The following TRIM71 variants were observed in gnomAD, a reference collection of about 807,000 sequenced individuals.
TRIM71 encodes E3 ubiquitin-protein ligase TRIM71.
TRIM71 carries 9 observed loss-of-function variants against 61.2 expected under a neutral mutation model. The observed-to-expected ratio is 0.15, with a 90% confidence interval of 0.09 to 0.26. The LOEUF (loss-of-function observed/expected upper bound fraction) is 0.26. Among genes scored for constraint, TRIM71 ranks in the 10% least tolerant of loss-of-function variants. The pLI is 1.00. For missense variants in TRIM71, 998 were observed against 1,238.7 expected (o/e 0.81, Z 2.92); for synonymous variants, 645 against 553.2 (o/e 1.17, Z -2.33).
intron 1 of TRIM71, among the ~76,000 whole-genome samples, chr3:32,853,404 A>G (rs1696561507): frequency 6.6e-6 from 1 of 152,132 alleles, no homozygotes; most frequent in African/African-American, 2.4e-5. Flanking sequence ...GGCATGAGCC[A>G]CCACACCCGG....
chr3:32,825,713 A>G (rs1038801843), intron 1 of TRIM71, among the ~76,000 whole-genome samples: 7 of 152,172 alleles, frequency 4.6e-5, no homozygotes, highest in African/African-American at 1.7e-4. Context: ...AGATAATGAT[A>G]AAGAATTACA....
At chr3:32,870,435 G>A (rs1472856570) in intron 1 of TRIM71, among the ~76,000 whole-genome samples, 1 of 152,034 alleles carries the variant, frequency 6.6e-6, no homozygotes, top group African/African-American at 2.4e-5. Context: ...TGAAACCACA[G>A]TGTGTTCTGG....
chr3:32,818,820 CCGCAGCAGCGG>C lies in TRIM71; in HGVS notation c.750_760del (p.Ala251ArgfsTer37), dbSNP rs1696094635. The C allele has an allele frequency of 6.2e-7, 1 of 1,610,516 alleles. No homozygotes were observed. The stretch of plus-strand genomic sequence containing the variant: ...GAGCGCGGCCCGCCGGGTCCCGGTG[CCGCAGCAGCGG>C]CGCAGCAGCTCGGGCTCGGGCCGCC... On this transcript the variant is annotated frameshift_variant, in exon 1 of 4. Coordinates refer to ENST00000383763, the MANE Select transcript of TRIM71 (RefSeq NM_001039111.3). LOFTEE classifies it high-confidence loss of function.
At chr3:32,859,887 T>G (rs1187320482) in intron 1 of TRIM71, among the ~76,000 whole-genome samples, 1 of 152,116 alleles carries the variant, frequency 6.6e-6, no homozygotes, top group African/African-American at 2.4e-5. Context: ...TGAATTGATC[T>G]TTTTGCGGTG....
intron 3 of TRIM71, among the ~76,000 whole-genome samples, 169 bp downstream of exon 3, chr3:32,886,237 T>C (rs1328168212): frequency 1.3e-5 from 2 of 152,176 alleles, no homozygotes; most frequent in African/African-American, 4.8e-5. Context: ...CCCTGGAACA[T>C]TGTGGGTGCT....
chr3:32,837,594 C>T (rs562585659), intron 1 of TRIM71, among the ~76,000 whole-genome samples: 3 of 152,134 alleles, frequency 2.0e-5, no homozygotes, highest in South Asian at 2.1e-4. Context: ...CCAAGGTGGA[C>T]GAATCACGAG....
intron 1 of TRIM71, among the ~76,000 whole-genome samples, chr3:32,826,171 C>A (rs924123559): frequency 6.6e-6 from 1 of 152,188 alleles, no homozygotes; most frequent in Non-Finnish European, 1.5e-5. Context: ...ACTCAACTCC[C>A]ATCCAGGCAG....
intron 1 of TRIM71, among the ~76,000 whole-genome samples, chr3:32,872,580 A>G (rs1384790542): frequency 6.6e-6 from 1 of 152,144 alleles, no homozygotes; most frequent in African/African-American, 2.4e-5. Context: ...CTTGCTTCTC[A>G]CCAGAATGAG....
At chr3:32,833,183 TTAAAAAAAAAAA>T (rs1696293550) in intron 1 of TRIM71, among the ~76,000 whole-genome samples, 1 of 39,100 alleles carries the variant, frequency 2.6e-5, no homozygotes, top group Non-Finnish European at 6.4e-5. Context: ...AACTCTGTCT[TTAAAAAAAAAAA>T]AAAAAAAAAA....
intron 1 of TRIM71, among the ~76,000 whole-genome samples, chr3:32,824,374 GT>G (rs1362810208): frequency 4.1e-5 from 6 of 147,580 alleles, no homozygotes; most frequent in Non-Finnish European, 8.9e-5. Flanking sequence ...TTTTTTTTAA[GT>G]AGAGACGGGG....
chr3:32,848,972 T>G (rs368709911), intron 1 of TRIM71, among the ~76,000 whole-genome samples: 2 of 152,214 alleles, frequency 1.3e-5, no homozygotes, highest in African/African-American at 4.8e-5. Flanking sequence ...GGTCTAGGGT[T>G]GGAGAGAGGT....
intron 1 of TRIM71, among the ~76,000 whole-genome samples, chr3:32,855,833 A>G: frequency 6.6e-6 from 1 of 152,046 alleles, no homozygotes; most frequent in South Asian, 2.1e-4. Context: ...ACTGTTTATA[A>G]AACAACCCAC....
rs1697033089 is a variant in TRIM71, at chr3:32,892,072, A to C, written c.*261A>C. Reference sequence around the variant, plus strand: ...AAGTGATAATTTCTATCTACCTCATAAATCTTTACATTTCCTTCTGCAACA... The same window carrying C: ...AAGTGATAATTTCTATCTACCTCATCAATCTTTACATTTCCTTCTGCAACA... On this transcript the variant is annotated 3_prime_UTR_variant, in exon 4 of 4. Transcript: ENST00000383763. The C allele has an allele frequency of 2.4e-6, 1 of 413,206 alleles. No individual in the cohort carries two copies. The highest frequency in any genetic ancestry group is 4.4e-5 in the Admixed American group (1 of 22,492). The allele number at this position is 413,206 out of a possible 1,614,324, so 25.6% of individuals were successfully genotyped here.
intron 1 of TRIM71, among the ~76,000 whole-genome samples, chr3:32,861,691 T>C (rs935869718): frequency 2.6e-5 from 4 of 152,188 alleles, no homozygotes; most frequent in African/African-American, 9.6e-5. Flanking sequence ...CAAGAAAGGC[T>C]CTTGTAATTG....
chr3:32,837,408 CA>C (rs533209758), intron 1 of TRIM71, among the ~76,000 whole-genome samples: 1 of 152,070 alleles, frequency 6.6e-6, no homozygotes, highest in Non-Finnish European at 1.5e-5. Flanking sequence ...TCATGGGTCT[CA>C]AAAGGATTTA....
chr3:32,857,714 T>TA (rs1347998214), intron 1 of TRIM71, among the ~76,000 whole-genome samples: 1 of 152,220 alleles, frequency 6.6e-6, no homozygotes, highest in Non-Finnish European at 1.5e-5. Flanking sequence ...CTCATGCCTG[T>TA]AATCCCAGCA....
At chr3:32,849,839 G>A (rs1330933130) in intron 1 of TRIM71, among the ~76,000 whole-genome samples, 1 of 152,172 alleles carries the variant, frequency 6.6e-6, no homozygotes, top group Non-Finnish European at 1.5e-5. Flanking sequence ...TCTCCAGAAA[G>A]AACTGCACGC....
intron 1 of TRIM71, among the ~76,000 whole-genome samples, chr3:32,843,020 G>A (rs905715989): frequency 6.6e-6 from 1 of 151,156 alleles, no homozygotes; most frequent in African/African-American, 2.4e-5. Context: ...TGGAGGGCGG[G>A]GGTGGGACTA....
At chr3:32,821,630 T>C (rs1184643962) in intron 1 of TRIM71, among the ~76,000 whole-genome samples, 1 of 152,154 alleles carries the variant, frequency 6.6e-6, no homozygotes, top group Admixed American at 6.5e-5. Context: ...AACAACATAG[T>C]TGGGGCTTTT....
Sources: allele counts gnomAD v4.1 joint callset (sites outside exome capture counted in the v4.1 genomes callset), GRCh38; gene constraint gnomAD v4.1.1; transcripts MANE v1.5; gene names NCBI Gene and HGNC (gene_info 2026-07-23, HGNC 2026-07-21).